Variants in AFTPH observed in about 807,000 individuals in gnomAD.
AFTPH encodes aftiphilin.
Under a neutral mutation model 72.5 loss-of-function variants are expected in AFTPH, and 7 were observed. The observed-to-expected ratio is 0.10, with a 90% confidence interval of 0.05 to 0.18. AFTPH has a LOEUF of 0.18. Ranked by LOEUF, AFTPH falls within the 10% of genes least tolerant of loss-of-function variation. The pLI is 1.00. For missense variants in AFTPH, 979 were observed against 1,060.5 expected (o/e 0.92, Z 1.07); for synonymous variants, 337 against 370.1 (o/e 0.91, Z 1.03).
chr2:64,531,999 A>G (rs1669658070), intron 1 of AFTPH, among the ~76,000 whole-genome samples: 1 of 152,220 alleles, frequency 6.6e-6, no homozygotes, highest in African/African-American at 2.4e-5. Context: ...TTCGTAGTAT[A>G]CATGGGTTGC....
intron 5 of AFTPH, among the ~76,000 whole-genome samples, chr2:64,571,706 GT>G (rs1368793574): frequency 2.6e-5 from 4 of 151,876 alleles, no homozygotes; most frequent in Non-Finnish European, 5.9e-5. Flanking sequence ...TTTTGTTTTT[GT>G]TTTTTTGGCC....
rs981705575 is a variant in AFTPH at position 64,563,836 on chromosome 2, G to A, written c.1936-3726G>A. Reference sequence around the variant, plus strand: ...TTGGTCAGGCTGGTCTCGAACTCCTGACCTTGTGATCTGCCTGCCTCGGCC... The same window carrying A: ...TTGGTCAGGCTGGTCTCGAACTCCTAACCTTGTGATCTGCCTGCCTCGGCC... On this transcript the variant is annotated intron_variant, in intron 2 of 8. Transcript: ENST00000238856. Among the ~76,000 whole-genome samples the A allele has an allele frequency of 2.6e-5, 4 of 152,094 alleles. No individual in the cohort carries two copies. In the East Asian group the frequency reaches 7.7e-4, roughly 29 times the overall value.
chr2:64,567,743 G>A, intron 3 of AFTPH, 30 bp downstream of exon 3: 1 of 1,584,216 alleles, frequency 6.3e-7, no homozygotes, highest in African/African-American at 1.4e-5. Context: ...TAGATAGCAT[G>A]TGTTTTTGTT....
At position 64,572,806 on chromosome 2, in the gene AFTPH, A is replaced by T. The variant is rs1017811909; in HGVS notation, c.2272-140A>T. On this transcript the variant is annotated intron_variant, in intron 5 of 8. Coordinates refer to ENST00000238856, the Ensembl canonical transcript of AFTPH. The stretch of plus-strand genomic sequence containing the variant: ...CAACTAGTGAGACCTTGTCTCTTAA[A>T]AAAAAAAAAAGACTAGTTCCTTTTT... 2.5e-5 allele frequency: 19 copies of T among 764,668 alleles called. No individual in the cohort carries two copies. The African/African-American group carries it at 1.5e-3, about 60-fold the overall frequency. The allele number at this position is 764,668 out of a possible 1,614,324, so 47.4% of individuals were successfully genotyped here.
chr2:64,554,411 C>T (rs564630578), intron 2 of AFTPH, among the ~76,000 whole-genome samples: 389 of 152,290 alleles, frequency 2.6e-3, no homozygotes, highest in Non-Finnish European at 3.5e-3. Context: ...GTAACTAACA[C>T]CTGATCCACA....
chr2:64,576,121 G>GTC (rs1672779058), intron 6 of AFTPH, among the ~76,000 whole-genome samples: 1 of 133,790 alleles, frequency 7.5e-6, no homozygotes, highest in Non-Finnish European at 1.5e-5. Flanking sequence ...ACACACACGT[G>GTC]TGTCATACAA....
exon 2 of AFTPH, chr2:64,551,472 A>G: frequency 1.2e-6 from 2 of 1,609,830 alleles, no homozygotes; most frequent in Non-Finnish European, 1.7e-6. Flanking sequence ...AAGCAACTGA[A>G]CAATGGAGCC....
At chr2:64,548,994 A>T (rs572565512) in intron 1 of AFTPH, among the ~76,000 whole-genome samples, 35 of 152,308 alleles carry the variant, frequency 2.3e-4, no homozygotes, top group African/African-American at 8.4e-4. Context: ...TTAACCTCAA[A>T]GATCCTTTTC....
chr2:64,557,544 A>G (rs867102725), intron 2 of AFTPH, among the ~76,000 whole-genome samples: 2 of 152,154 alleles, frequency 1.3e-5, no homozygotes, highest in African/African-American at 2.4e-5. Flanking sequence ...TGCAGGTGCA[A>G]TCTCGGCTCA....
chr2:64,584,593 A>ATTTTTTT (rs5831705), intron 7 of AFTPH, among the ~76,000 whole-genome samples: 1 of 117,008 alleles, frequency 8.5e-6, no homozygotes, highest in African/African-American at 3.4e-5. Flanking sequence ...CTTAGTCATG[A>ATTTTTTT]TTTTTTTTTT....
At chr2:64,532,277 A>G (rs1572938528) in intron 1 of AFTPH, among the ~76,000 whole-genome samples, 1 of 152,182 alleles carries the variant, frequency 6.6e-6, no homozygotes, top group African/African-American at 2.4e-5. Flanking sequence ...ATTGAAAACA[A>G]TAAGGGAAAG....
At chr2:64,546,740 A>G (rs1485959094) in intron 1 of AFTPH, among the ~76,000 whole-genome samples, 3 of 152,236 alleles carry the variant, frequency 2.0e-5, no homozygotes, top group East Asian at 3.9e-4. Flanking sequence ...TGACTACAGT[A>G]CTACCATCAC....
At chr2:64,590,033 T>A (rs1247827712) in intron 8 of AFTPH, among the ~76,000 whole-genome samples, 2 of 151,778 alleles carry the variant, frequency 1.3e-5, no homozygotes, top group Non-Finnish European at 2.9e-5. Flanking sequence ...TAGTCAGTGA[T>A]CTCTGTCCAT....
intron 1 of AFTPH, among the ~76,000 whole-genome samples, chr2:64,550,862 T>C (rs1390685171): frequency 6.6e-6 from 1 of 152,204 alleles, no homozygotes; most frequent in Non-Finnish European, 1.5e-5. Context: ...AAGTGGAATA[T>C]ACACAAGAAC....
At chr2:64,552,395 C>T (rs1375332914) in exon 2 of AFTPH, 12 of 1,613,922 alleles carry the variant, frequency 7.4e-6, no homozygotes, top group African/African-American at 1.3e-5. Flanking sequence ...TAGTGACTAA[C>T]AGAGGTTTCA....
intron 6 of AFTPH, among the ~76,000 whole-genome samples, chr2:64,577,525 A>T (rs1672897421): frequency 6.6e-6 from 1 of 152,218 alleles, no homozygotes; most frequent in Admixed American, 6.5e-5. Context: ...TTCATGAAAG[A>T]ACTTGCTCCA....
chr2:64,529,133 T>G lies in AFTPH; in HGVS notation c.-33+4521T>G, dbSNP rs147876132. Among the ~76,000 whole-genome samples, 4 of 152,224 alleles carry G rather than the reference T, an allele frequency of 2.6e-5. No homozygotes were observed. In the East Asian group the frequency reaches 7.7e-4, roughly 29 times the overall value. On this transcript the variant is annotated intron_variant, in intron 1 of 8. Coordinates refer to ENST00000238856, the Ensembl canonical transcript of AFTPH. Reference sequence around the variant, plus strand: ...TACAGAGGCACTCCCTTCTGAAAATTCAAGGCCCTTGCAACCTATGTTTCC... The same window carrying G: ...TACAGAGGCACTCCCTTCTGAAAATGCAAGGCCCTTGCAACCTATGTTTCC...
At chr2:64,532,871 A>G (rs913178508) in intron 1 of AFTPH, among the ~76,000 whole-genome samples, 26 of 152,210 alleles carry the variant, frequency 1.7e-4, no homozygotes, top group African/African-American at 6.3e-4. Flanking sequence ...TTTAATACCT[A>G]TGGGAAAATT....
chr2:64,541,538 T>G (rs1670253162), intron 1 of AFTPH, among the ~76,000 whole-genome samples: 1 of 152,154 alleles, frequency 6.6e-6, no homozygotes. Context: ...AACCAAAAAG[T>G]TAACTAAAAC....
Sources: gnomAD v4.1 joint callset for allele counts (sites outside exome capture counted in the v4.1 genomes callset) on GRCh38, gnomAD v4.1.1 for gene constraint, MANE v1.5 for transcripts, NCBI Gene and HGNC (gene_info 2026-07-23, HGNC 2026-07-21) for gene names.